TMPRSS11B: variants seen among roughly 807,000 people sequenced by gnomAD.
TMPRSS11B encodes the protein transmembrane serine protease 11B, also known as transmembrane protease serine 11B.
In TMPRSS11B, 53 loss-of-function variants were observed where a neutral mutation model predicts 44.7. The ratio of observed to expected loss-of-function variants is 1.19; its 90% CI spans 0.95 to 1.49. The LOEUF is 1.49. TMPRSS11B is among the 40% of genes most tolerant of loss of function. TMPRSS11B has a pLI of 0.00. For synonymous variants in TMPRSS11B, 140 were observed against 159.2 expected, an observed-to-expected ratio of 0.88 and a Z score of 0.91; for missense variants, 526 against 494.8, an observed-to-expected ratio of 1.06 and a Z score of -0.60.
At chr4:68,240,657 A>G (rs1008862609) in intron 2 of TMPRSS11B, among the ~76,000 whole-genome samples, 3 of 152,144 alleles carry the variant, frequency 2.0e-5, no homozygotes, top group Admixed American at 6.6e-5. Context: ...TTTTTTAATG[A>G]GTAGAGGGAA....
intron 2 of TMPRSS11B, among the ~76,000 whole-genome samples, chr4:68,237,958 A>C (rs1719721355): frequency 6.6e-6 from 1 of 152,170 alleles, no homozygotes; most frequent in African/African-American, 2.4e-5. Context: ...TCAAGTCTAC[A>C]GTGAGCTGTA....
chr4:68,232,756 C>A (rs1189039670), intron 5 of TMPRSS11B, among the ~76,000 whole-genome samples: 1 of 152,140 alleles, frequency 6.6e-6, no homozygotes, highest in African/African-American at 2.4e-5. Context: ...ATGTGCACAA[C>A]GTGCAGGTTT....
chr4:68,233,751 C>T (rs532503046), intron 5 of TMPRSS11B, among the ~76,000 whole-genome samples: 40 of 151,990 alleles, frequency 2.6e-4, no homozygotes, highest in Admixed American at 6.6e-4. Context: ...AGTTTTTTCA[C>T]AAAAATCAAT....
chr4:68,232,331 A>G, intron 6 of TMPRSS11B, 47 bp downstream of exon 6: 1 of 1,552,910 alleles, frequency 6.4e-7, no homozygotes, highest in East Asian at 2.3e-5. Context: ...TAATGAGAAA[A>G]TACCTGTGAG....
At position 68,229,527 on chromosome 4, in the gene TMPRSS11B, C is replaced by T. The variant is rs758319752; in HGVS notation, c.687-11G>A. 19 of 1,606,410 alleles carry T rather than the reference C, an allele frequency of 1.2e-5. No homozygotes were observed. Among genetic ancestry groups the T allele is most frequent in the Non-Finnish European group, 1.6e-5 (19 of 1,175,672 alleles). The stretch of plus-strand genomic sequence containing the variant: ...TTTGAATTATTTTTCCTAGAGGACA[C>T]AATGTAATTAGAATACACTCAGTTG... On this transcript the variant is annotated splice_polypyrimidine_tract_variant and intron_variant, in intron 7 of 9. Coordinates refer to ENST00000332644, the MANE Select transcript of TMPRSS11B (RefSeq NM_182502.3).
rs1040840613 is a variant in TMPRSS11B at position 68,234,634 on chromosome 4, C to G, written c.309-11G>C. 8 of 1,611,842 alleles carry G rather than the reference C, an allele frequency of 5.0e-6. No homozygotes were observed. In the African/African-American group the frequency reaches 9.4e-5, roughly 19 times the overall value. ...CCATTGGCATTAGGCCTAGAAACAA[C>G]AGAAATTTTCTAATGTACTGTTTCT... On this transcript the variant is annotated splice_polypyrimidine_tract_variant and intron_variant, in intron 4 of 9. Coordinates refer to ENST00000332644, the MANE Select transcript of TMPRSS11B (RefSeq NM_182502.3).
chr4:68,236,808 C>T (rs906928906), intron 2 of TMPRSS11B, among the ~76,000 whole-genome samples: 1 of 151,936 alleles, frequency 6.6e-6, no homozygotes, highest in Admixed American at 6.6e-5. Context: ...CATCAGTCAC[C>T]CTTCACTTTC....
chr4:68,239,325 C>CACTT (rs1719761621), intron 2 of TMPRSS11B, among the ~76,000 whole-genome samples: 1 of 152,114 alleles, frequency 6.6e-6, no homozygotes, highest in Non-Finnish European at 1.5e-5. Flanking sequence ...CTCACTCACT[C>CACTT]ACTTCACCCC....
chr4:68,228,457 G>C lies in TMPRSS11B; in HGVS notation c.1089+285C>G, dbSNP rs1342052425. Reference sequence around the variant, plus strand: ...AGAAGACAACATTCTAGGTCTGCAGGTTGCCCAGAAAATAGGACAAAATTC... The same window carrying C: ...AGAAGACAACATTCTAGGTCTGCAGCTTGCCCAGAAAATAGGACAAAATTC... On this transcript the variant is annotated intron_variant, in intron 9 of 9. Transcript: ENST00000332644. Among the ~76,000 whole-genome samples the C allele has an allele frequency of 2.0e-5, 3 of 152,154 alleles. No individual in the cohort carries two copies. In the East Asian group the frequency reaches 5.8e-4, roughly 29 times the overall value.
chr4:68,242,293 AC>A (rs71671420), intron 1 of TMPRSS11B, among the ~76,000 whole-genome samples: 5 of 13,358 alleles, frequency 3.7e-4, no homozygotes, highest in African/African-American at 1.1e-3. Context: ...ATTATATTAT[AC>A]ATAATATAAT....
At chr4:68,242,472 G>A (rs2109966084) in intron 1 of TMPRSS11B, among the ~76,000 whole-genome samples, 1 of 135,632 alleles carries the variant, frequency 7.4e-6, no homozygotes, top group Admixed American at 8.6e-5. Context: ...GAAATACCAT[G>A]ATGTCAACTG....
Position 68,228,746 on chromosome 4 carries a change from C to G in TMPRSS11B, c.1085G>C (p.Cys362Ser). The G allele has an allele frequency of 6.2e-7, 1 of 1,608,510 alleles. No individual in the cohort carries two copies. Among genetic ancestry groups the G allele is most frequent in the Non-Finnish European group, 8.5e-7 (1 of 1,177,802 alleles). ...AGFMSGEADA[C>S]QNDSGGPLAY... ...GGATAATGTAACTAGACATACCTGA[C>G]ATGCATCAGCTTCTCCTGACATAAA... The change falls in exon 9 of 10, where the codon TGT becomes TCT. Residue 362 changes from cysteine to serine, a missense_variant. Transcript: ENST00000332644.
At position 68,229,505 on chromosome 4, in the gene TMPRSS11B, GA is replaced by G. The variant is rs757695561; in HGVS notation, c.697del (p.Ser233GlnfsTer11). 13 of 1,611,596 alleles carry G rather than the reference GA, an allele frequency of 8.1e-6. No individual in the cohort carries two copies. The East Asian group carries it at 1.1e-4, about 14-fold the overall frequency. ...AAHCFAKKNN[S>X]KDWTVNFGIV... ...TCCAAAGTTGACAGTCCAATCTTTTGAATTATTTTTCCTAGAGGACACAATG... is the reference window on the plus strand; with the variant it reads ...TCCAAAGTTGACAGTCCAATCTTTTGATTATTTTTCCTAGAGGACACAATG... On this transcript the variant is annotated frameshift_variant, in exon 8 of 10. Transcript: ENST00000332644. LOFTEE classifies it high-confidence loss of function.
chr4:68,232,899 T>A (rs936200711), intron 5 of TMPRSS11B, among the ~76,000 whole-genome samples: 1 of 142,404 alleles, frequency 7.0e-6, no homozygotes, highest in Non-Finnish European at 1.5e-5. Context: ...TGATAGAGAT[T>A]TCTTTCCCAT....
intron 1 of TMPRSS11B, among the ~76,000 whole-genome samples, chr4:68,242,667 C>T (rs1295810757): frequency 1.3e-5 from 2 of 151,004 alleles, no homozygotes; most frequent in African/African-American, 4.9e-5. Flanking sequence ...CCCCACTGGG[C>T]TCAACTGATC....
intron 5 of TMPRSS11B, among the ~76,000 whole-genome samples, chr4:68,233,470 A>G (rs1368949240): frequency 6.6e-6 from 1 of 152,088 alleles, no homozygotes; most frequent in Admixed American, 6.6e-5. Context: ...CAATCTTTAC[A>G]AACTTCACTT....
At position 68,231,088 on chromosome 4, in the gene TMPRSS11B, G is replaced by A. The variant is rs1719499662; in HGVS notation, c.686+115C>T. The A allele has an allele frequency of 4.6e-6, 4 of 861,830 alleles. No homozygotes were observed. The South Asian group carries it at 8.1e-5, about 17-fold the overall frequency. 53.4% of individuals were successfully genotyped at this position (861,830 alleles called of 1,614,324 possible). ...GCAGGTGATTGTAAATGTTCTATGT[G>A]ATTGTAAATTTCATATGGCCTTGGT... On this transcript the variant is annotated intron_variant, in intron 7 of 9. Transcript: ENST00000332644.
intron 2 of TMPRSS11B, among the ~76,000 whole-genome samples, chr4:68,239,264 G>A (rs544489984): frequency 0.011 from 1,629 of 144,890 alleles, 35 homozygotes; most frequent in African/African-American, 0.042. Context: ...GCTCTCTCTC[G>A]CGCGCGCGCT....
chr4:68,229,200 T>C, intron 8 of TMPRSS11B, 57 bp downstream of exon 8: 1 of 1,338,780 alleles, frequency 7.5e-7, no homozygotes, highest in Non-Finnish European at 1.0e-6. Flanking sequence ...GATTGATTGA[T>C]TGATTGATTA....
Sources: gnomAD v4.1 joint callset for allele counts (sites outside exome capture counted in the v4.1 genomes callset) on GRCh38, gnomAD v4.1.1 for gene constraint, MANE v1.5 for transcripts, NCBI Gene and HGNC (gene_info 2026-07-23, HGNC 2026-07-21) for gene names.